Variants in MIER2 observed in about 807,000 individuals in gnomAD.
MIER2 encodes MIER family member 2.
A neutral mutation model predicts 67.6 loss-of-function variants in MIER2; 30 were observed. The observed-to-expected ratio is 0.44, with a 90% confidence interval of 0.33 to 0.60. The LOEUF (loss-of-function observed/expected upper bound fraction) is 0.60. Among genes scored for constraint, MIER2 ranks in the 20% least tolerant of loss-of-function variants. The pLI is 0.02. For missense variants in MIER2, 702 were observed against 745.1 expected (o/e 0.94, Z 0.67); for synonymous variants, 372 against 312.6 (o/e 1.19, Z -2.00).
At chr19:312,303 G>A (rs768505225) in intron 8 of MIER2, 31 bp from the exon 9 acceptor site, 34 of 1,607,290 alleles carry the variant, frequency 2.1e-5, no homozygotes, top group Non-Finnish European at 2.7e-5. Context: ...CTCTTCCATG[G>A]GCTCAGCGCA....
At chr19:326,182 T>G (rs893684140) in intron 6 of MIER2, among the ~76,000 whole-genome samples, 1 of 104,536 alleles carries the variant, frequency 9.6e-6, no homozygotes, top group South Asian at 3.2e-4. Context: ...GAACCACGGC[T>G]GGGATGCCAG....
chr19:335,830 C>A (rs1284777795), intron 2 of MIER2, among the ~76,000 whole-genome samples: 14 of 152,184 alleles, frequency 9.2e-5, no homozygotes. Context: ...TGCCCGGGTC[C>A]TCTGCTGGGG....
chr19:313,593 T>G lies in MIER2; in HGVS notation c.706A>C (p.Arg236=). 1 of 1,613,256 alleles carries G rather than the reference T, an allele frequency of 6.2e-7. No homozygotes were observed. The highest frequency in any genetic ancestry group is 1.7e-5 in the Admixed American group (1 of 60,012). ...LLWDPSVLPE[R]EVEEFLYRAV... ...CTGTACAGGAACTCCTCCACCTCCC[T>G]CTCAGGGAGGACGCTGGGGTCCCAG... The change falls in exon 8 of 14, where the codon AGG becomes CGG. Residue 236 remains arginine, a synonymous_variant. Coordinates refer to ENST00000264819, the MANE Select transcript of MIER2 (RefSeq NM_017550.3).
rs777532154 is a variant in MIER2, at chr19:307,152, G to A, written c.1583C>T (p.Pro528Leu). 4.4e-6 allele frequency: 7 copies of A among 1,587,972 alleles called. No homozygotes were observed. Among genetic ancestry groups the A allele is most frequent in the South Asian group, 1.1e-5 (1 of 87,140 alleles). ...GGGCTCCGAGTGTAGCCCGGGGGCC[G>A]GGCACGTGGGGTGGGCGGCCAGGAA... ...NPFLAAHPTC[P>L]APGLHSEPLS... Residue 528 changes from proline (P) to leucine (L), a missense_variant, in exon 13 of 14, where the codon CCG becomes CTG. This residue lies in a region of MIER2 where 254 missense variants were observed against 262.8 expected (regional missense o/e 0.97). Coordinates refer to ENST00000264819, the MANE Select transcript of MIER2 (RefSeq NM_017550.3).
intron 7 of MIER2, among the ~76,000 whole-genome samples, chr19:315,186 G>A (rs767258597): frequency 2.7e-4 from 41 of 152,086 alleles, no homozygotes; most frequent in Non-Finnish European, 5.1e-4. Context: ...CAAACATGGC[G>A]AAACCCCAGC....
At chr19:332,359 A>G (rs1238748909) in intron 3 of MIER2, among the ~76,000 whole-genome samples, 18 of 151,998 alleles carry the variant, frequency 1.2e-4, no homozygotes, top group African/African-American at 4.8e-5. Flanking sequence ...CTAGAGTGCA[A>G]TGGCCTGATC....
chr19:329,230 C>T (rs1009436517), intron 3 of MIER2, among the ~76,000 whole-genome samples: 4 of 152,066 alleles, frequency 2.6e-5, no homozygotes, highest in African/African-American at 7.2e-5. Context: ...TAGTCCCAGC[C>T]CTTCTCCAGG....
At chr19:329,652 G>A (rs952927224) in intron 3 of MIER2, among the ~76,000 whole-genome samples, 30 of 152,138 alleles carry the variant, frequency 2.0e-4, no homozygotes, top group African/African-American at 7.2e-4. Flanking sequence ...ACTTTGGGAG[G>A]CTGAGGCAGG....
At chr19:309,988 G>C (rs972847266) in intron 10 of MIER2, among the ~76,000 whole-genome samples, 1 of 134,628 alleles carries the variant, frequency 7.4e-6, no homozygotes, top group Non-Finnish European at 1.6e-5. Context: ...AGGGAGACGA[G>C]AAGGGACACA....
chr19:330,333 T>G (rs1971963025), intron 3 of MIER2: 1 of 151,494 alleles, frequency 6.6e-6, no homozygotes, highest in Admixed American at 6.6e-5. Flanking sequence ...GATCACGAGG[T>G]CAGGAGATTG....
intron 3 of MIER2, among the ~76,000 whole-genome samples, chr19:331,266 G>A (rs1437004801): frequency 4.0e-5 from 6 of 151,120 alleles, no homozygotes; most frequent in Non-Finnish European, 7.4e-5. Flanking sequence ...GCTAAGGCAC[G>A]AGAATCACTT....
Position 334,487 on chromosome 19 carries a change from C to A in MIER2, c.156G>T (p.Gln52His), listed in dbSNP as rs1972153252. The stretch of plus-strand genomic sequence containing the variant: ...CGCACTCCCCCCTAACACTGTAGTT[C>A]TGTGACAGGATCTCTGCGAGGTTGA... Reference protein sequence around the residue: ...HQFNLAEILSQNYSVRGECEE... With the variant: ...HQFNLAEILSHNYSVRGECEE... The change falls in exon 3 of 14, where the codon CAG becomes CAT. Residue 52 changes from glutamine (Q) to histidine (H), a missense_variant. Coordinates refer to ENST00000264819, the MANE Select transcript of MIER2 (RefSeq NM_017550.3). 1 of 1,614,072 alleles carries A rather than the reference C, an allele frequency of 6.2e-7. No individual in the cohort carries two copies. The highest frequency in any genetic ancestry group is 1.7e-5 in the Admixed American group (1 of 60,004).
chr19:316,665 G>A (rs1971249252), intron 7 of MIER2, among the ~76,000 whole-genome samples: 1 of 152,188 alleles, frequency 6.6e-6, no homozygotes, highest in Non-Finnish European at 1.5e-5. Context: ...CATTGTAGGG[G>A]AACTAGAATG....
At position 307,121 on chromosome 19, in the gene MIER2, T is replaced by C; in HGVS notation, c.1614A>G (p.Ser538=). 6.3e-7 allele frequency: 1 copy of C among 1,580,584 alleles called. No homozygotes were observed. The highest frequency in any genetic ancestry group is 8.6e-7 in the Non-Finnish European group (1 of 1,163,420). The change falls in exon 13 of 14, where the codon TCA becomes TCG. Residue 538 remains serine (S), a splice_region_variant and synonymous_variant. Coordinates refer to ENST00000264819, the MANE Select transcript of MIER2 (RefSeq NM_017550.3). ...PAPGLHSEPL[S]HCNVMTC Reference sequence around the variant, plus strand: ...TCCGGGCATGGGGTGGCACTCACTGTGACAGGGGCTCCGAGTGTAGCCCGG... The same window carrying C: ...TCCGGGCATGGGGTGGCACTCACTGCGACAGGGGCTCCGAGTGTAGCCCGG...
intron 1 of MIER2, among the ~76,000 whole-genome samples, chr19:342,699 G>A (rs1259038846): frequency 1.3e-5 from 2 of 151,470 alleles, no homozygotes; most frequent in Non-Finnish European, 1.5e-5. Context: ...AAAGTAGCTA[G>A]TACTGATCAC....
At chr19:312,404 C>T in intron 8 of MIER2, 132 bp from the exon 9 acceptor site, 3 of 734,172 alleles carry the variant, frequency 4.1e-6, no homozygotes, top group Non-Finnish European at 6.9e-6. Context: ...GAGCCACCTA[C>T]ACCTCTATCC....
In MIER2 at chr19:334,366, C is replaced by T; in HGVS notation, c.243+34G>A. 1.9e-6 allele frequency: 3 copies of T among 1,612,890 alleles called. No individual in the cohort carries two copies. In the South Asian group the frequency reaches 3.3e-5, roughly 18 times the overall value. Reference sequence around the variant, plus strand: ...TGAGGCTTACCCCGGAGGGCTCCACCCAACACAGGGGCAGGATCACCTTGG... The same window carrying T: ...TGAGGCTTACCCCGGAGGGCTCCACTCAACACAGGGGCAGGATCACCTTGG... On this transcript the variant is annotated intron_variant, in intron 3 of 13. Coordinates refer to ENST00000264819, the MANE Select transcript of MIER2 (RefSeq NM_017550.3).
chr19:325,895 G>A (rs555556805), intron 6 of MIER2, among the ~76,000 whole-genome samples, 191 bp from the exon 7 acceptor site: 1 of 152,346 alleles, frequency 6.6e-6, no homozygotes, highest in Admixed American at 6.5e-5. Context: ...GGTGTGTGAG[G>A]GGTGAGGCTG....
Position 327,271 on chromosome 19 carries a change from A to T in MIER2, c.370-15T>A, listed in dbSNP as rs367872477. The T allele has an allele frequency of 2.2e-4, 353 of 1,576,510 alleles. No homozygotes were observed. Among genetic ancestry groups the T allele is most frequent in the Admixed American group, 4.3e-4 (21 of 48,336 alleles). Reference sequence around the variant, plus strand: ...GCTATTTGTTCCTTTAAAAAAAAAAAAAAAAGTAAAGAACATTTTACAGTT... The same window carrying T: ...GCTATTTGTTCCTTTAAAAAAAAAATAAAAAGTAAAGAACATTTTACAGTT... On this transcript the variant is annotated splice_polypyrimidine_tract_variant and intron_variant, in intron 4 of 13. Transcript: ENST00000264819.
Sources: allele counts gnomAD v4.1 joint callset (sites outside exome capture counted in the v4.1 genomes callset), GRCh38; gene constraint gnomAD v4.1.1; regional missense constraint gnomAD v4.1.1; transcripts MANE v1.5; gene names NCBI Gene and HGNC (gene_info 2026-07-23, HGNC 2026-07-21).